CDH2: variants seen among roughly 807,000 people sequenced by gnomAD.
CDH2 encodes the protein cadherin 2, also known as cadherin-2.
A neutral mutation model predicts 92.0 loss-of-function variants in CDH2; 17 were observed. That is an observed-to-expected ratio of 0.18 (90% CI 0.13 to 0.28). The LOEUF (loss-of-function observed/expected upper bound fraction) is 0.28. Among genes scored for constraint, CDH2 ranks in the 10% least tolerant of loss-of-function variants. CDH2 has a pLI of 1.00. For synonymous variants in CDH2, 419 were observed against 415.9 expected (o/e 1.01, Z -0.09); for missense variants, 862 against 1,133.1 (o/e 0.76, Z 3.44).
intron 5 of CDH2, among the ~76,000 whole-genome samples, chr18:28,007,321 C>T (rs1238919190): frequency 6.6e-6 from 1 of 151,558 alleles, no homozygotes; most frequent in Non-Finnish European, 1.5e-5. Flanking sequence ...GGCAGAATAT[C>T]AAAATCCTTT....
chr18:28,063,602 T>G (rs1161571438), intron 2 of CDH2, among the ~76,000 whole-genome samples: 1 of 152,172 alleles, frequency 6.6e-6, no homozygotes, highest in Non-Finnish European at 1.5e-5. Flanking sequence ...GGGGCTCCCT[T>G]TCTCATCAAC....
At chr18:28,175,711 A>G (rs1453934631) in intron 1 of CDH2, among the ~76,000 whole-genome samples, 2 of 152,092 alleles carry the variant, frequency 1.3e-5, no homozygotes, top group Non-Finnish European at 2.9e-5. Flanking sequence ...CCACCCCCGG[A>G]GCAGGCACTT....
In CDH2 at chr18:27,952,282, G is replaced by A; in HGVS notation, c.2592C>T (p.Gly864=). 6.2e-7 allele frequency: 1 copy of A among 1,613,410 alleles called. No homozygotes were observed. Among genetic ancestry groups the A allele is most frequent in the Non-Finnish European group, 8.5e-7 (1 of 1,179,460 alleles). ...GGGAGCTCAAGGACCCAGCAGTGGA[G>A]CCACTGCCTTCATAGTCAAACACTA... ...SLLVFDYEGS[G]STAGSLSSLN... The change falls in exon 16 of 16, where the codon GGC becomes GGT. Residue 864 remains glycine, a synonymous_variant. Transcript: ENST00000269141.
At position 27,992,778 on chromosome 18, in the gene CDH2, A is replaced by C; in HGVS notation, c.1221T>G (p.Asp407Glu). 6.2e-7 allele frequency: 1 copy of C among 1,614,034 alleles called. No individual in the cohort carries two copies. The highest frequency in any genetic ancestry group is 8.5e-7 in the Non-Finnish European group (1 of 1,179,936). The part of the protein sequence containing the change: ...DIIVANLTVT[D>E]KDQPHTPAWN... Reference sequence around the variant, plus strand: ...AGGCTGGTGTATGGGGTTGATCCTTATCGGTCACAGTTAGATTAGCTACTA... The same window carrying C: ...AGGCTGGTGTATGGGGTTGATCCTTCTCGGTCACAGTTAGATTAGCTACTA... The change falls in exon 9 of 16, where the codon GAT becomes GAG. Residue 407 changes from aspartate to glutamate, a missense_variant. Around this residue, in one of 5 missense-constraint regions of CDH2, gnomAD observed 564 missense variants for 722.2 expected, o/e 0.78. Transcript: ENST00000269141.
intron 2 of CDH2, among the ~76,000 whole-genome samples, chr18:28,052,553 G>C (rs1467761815): frequency 6.6e-6 from 1 of 152,094 alleles, no homozygotes; most frequent in African/African-American, 2.4e-5. Flanking sequence ...AGAAGTATTT[G>C]AAAATCATTA....
In CDH2 at chr18:28,107,685, C is replaced by G. The variant is rs1310610097; in HGVS notation, c.172+39988G>C. ...GCAGTCAATAAAACACAGAGCATAC[C>G]AGGAAAGAGTGCAGCAGGTCAAAAA... On this transcript the variant is annotated intron_variant, in intron 2 of 15. Coordinates refer to ENST00000269141, the MANE Select transcript of CDH2 (RefSeq NM_001792.5). Among the ~76,000 whole-genome samples the G allele has an allele frequency of 2.0e-5, 3 of 151,868 alleles. No homozygotes were observed. In the East Asian group the frequency reaches 5.8e-4, roughly 29 times the overall value.
chr18:28,163,375 C>T (rs2016334194), intron 1 of CDH2, among the ~76,000 whole-genome samples: 1 of 152,232 alleles, frequency 6.6e-6, no homozygotes, highest in African/African-American at 2.4e-5. Flanking sequence ...CATCCAAGAG[C>T]AGAACAGTGT....
At chr18:28,045,478 G>T in intron 2 of CDH2, 1 of 462,336 alleles carries the variant, frequency 2.2e-6, no homozygotes, top group African/African-American at 2.0e-5. Flanking sequence ...TCTCATCATG[G>T]TCTTGTAAAT....
chr18:28,016,120 A>C (rs1248673243), intron 2 of CDH2, among the ~76,000 whole-genome samples: 1 of 152,234 alleles, frequency 6.6e-6, no homozygotes, highest in East Asian at 1.9e-4. Flanking sequence ...AACTGCTCTA[A>C]ATTTTTTATT....
chr18:28,147,787 G>T lies in CDH2; in HGVS notation c.61-3C>A. The T allele has an allele frequency of 1.3e-6, 2 of 1,527,642 alleles. No individual in the cohort carries two copies. The highest frequency in any genetic ancestry group is 1.8e-6 in the Non-Finnish European group (2 of 1,124,794). 94.6% of individuals were successfully genotyped at this position (1,527,642 alleles called of 1,614,324 possible). ...TCACCAGAAGCCTCTACAGACGCCT[G>T]CAACACAAGAAAAAAAAAAAAAATG... On this transcript the variant is annotated splice_polypyrimidine_tract_variant and splice_region_variant and intron_variant, in intron 1 of 15. Transcript: ENST00000269141.
At chr18:28,117,602 A>G (rs2015517163) in intron 2 of CDH2, among the ~76,000 whole-genome samples, 1 of 152,184 alleles carries the variant, frequency 6.6e-6, no homozygotes, top group African/African-American at 2.4e-5. Context: ...AAGGAAGATG[A>G]ATTATACAGA....
intron 15 of CDH2, among the ~76,000 whole-genome samples, chr18:27,958,108 T>G (rs1341701434): frequency 6.6e-6 from 1 of 152,200 alleles, no homozygotes; most frequent in Non-Finnish European, 1.5e-5. Flanking sequence ...ACTATTCCCA[T>G]TTTACAAATA....
chr18:28,013,773 C>A lies in CDH2; in HGVS notation c.309G>T (p.Leu103=). The part of the protein sequence containing the change: ...FPLSSEHAKF[L]IYAQDKETQE... ...GGGTCTCTTTGTCTTGGGCATATAT[C>A]AGGAACTTGGCATGCTCAGAAGAGA... The change falls in exon 3 of 16, where the codon CTG becomes CTT. Residue 103 remains leucine (L), a synonymous_variant. Transcript: ENST00000269141. 6.2e-7 allele frequency: 1 copy of A among 1,614,020 alleles called. No homozygotes were observed. Among genetic ancestry groups the A allele is most frequent in the Non-Finnish European group, 8.5e-7 (1 of 1,179,960 alleles).
chr18:27,990,796 C>G (rs2012390891), intron 9 of CDH2, among the ~76,000 whole-genome samples: 1 of 152,082 alleles, frequency 6.6e-6, no homozygotes, highest in African/African-American at 2.4e-5. Context: ...GAAAACAAAC[C>G]AAAAATCAGA....
At chr18:28,173,445 T>G (rs1466366976) in intron 1 of CDH2, among the ~76,000 whole-genome samples, 1 of 152,156 alleles carries the variant, frequency 6.6e-6, no homozygotes, top group Non-Finnish European at 1.5e-5. Flanking sequence ...AAATAAATAC[T>G]GAGAATAAAC....
At chr18:27,966,788 A>G (rs73397996) in intron 14 of CDH2, among the ~76,000 whole-genome samples, 1,948 of 152,334 alleles carry the variant, frequency 0.013, 44 homozygotes, top group African/African-American at 0.044. Context: ...TACTATCTTA[A>G]GAACCAGAGA....
intron 2 of CDH2, among the ~76,000 whole-genome samples, chr18:28,117,546 T>C (rs1221964062): frequency 6.6e-6 from 1 of 152,088 alleles, no homozygotes; most frequent in Non-Finnish European, 1.5e-5. Flanking sequence ...GGTCACAAAA[T>C]AGATTCACAA....
At chr18:27,958,885 G>A (rs1255130129) in intron 15 of CDH2, among the ~76,000 whole-genome samples, 1 of 152,082 alleles carries the variant, frequency 6.6e-6, no homozygotes, top group East Asian at 1.9e-4. Flanking sequence ...CTCTCCTGCT[G>A]CCATGTGAAG....
intron 2 of CDH2, among the ~76,000 whole-genome samples, chr18:28,024,174 T>C (rs527952329): frequency 1.8e-4 from 27 of 152,282 alleles, no homozygotes; most frequent in African/African-American, 2.6e-4. Context: ...TTCATCACTT[T>C]TGCATGCAAA....
Sources: allele counts gnomAD v4.1 joint callset (sites outside exome capture counted in the v4.1 genomes callset), GRCh38; gene constraint gnomAD v4.1.1; regional missense constraint gnomAD v4.1.1; transcripts MANE v1.5; gene names NCBI Gene and HGNC (gene_info 2026-07-23, HGNC 2026-07-21).